The following CCDC158 variants were observed in gnomAD, a reference collection of about 807,000 sequenced individuals.
CCDC158 encodes the protein coiled-coil domain containing 158.
CCDC158 carries 116 observed loss-of-function variants against 138.6 expected under a neutral mutation model. That is an observed-to-expected ratio of 0.84 (90% CI 0.72 to 0.98). The LOEUF (loss-of-function observed/expected upper bound fraction) is 0.98, where lower values mean the gene tolerates loss of function less well. Among genes scored for constraint, CCDC158 ranks in the 50% least tolerant of loss-of-function variants. The pLI, the probability that CCDC158 is intolerant of heterozygous loss-of-function variation, is 0.00. For synonymous variants in CCDC158, 436 were observed against 442.4 expected (o/e 0.99, Z 0.18); for missense variants, 1,265 against 1,306.1 (o/e 0.97, Z 0.48).
chr4:76,375,670 G>A lies in CCDC158; in HGVS notation c.1029+3620C>T, dbSNP rs778663531. Reference sequence around the variant, plus strand: ...GAGCCAATAGTGACAGCTTCTACTGGTCCAAATTCGTAAAGGGGAATTCTG... The same window carrying A: ...GAGCCAATAGTGACAGCTTCTACTGATCCAAATTCGTAAAGGGGAATTCTG... On this transcript the variant is annotated intron_variant, in intron 9 of 24. Coordinates refer to ENST00000682701, the MANE Select transcript of CCDC158 (RefSeq NM_001394954.1). 5.7e-6 allele frequency: 4 copies of A among 699,176 alleles called. No homozygotes were observed. The South Asian group carries it at 6.0e-5, about 10-fold the overall frequency. 43.3% of individuals were successfully genotyped at this position (699,176 alleles called of 1,614,324 possible).
chr4:76,320,863 T>G (rs1335905557), intron 24 of CCDC158, among the ~76,000 whole-genome samples: 1 of 152,144 alleles, frequency 6.6e-6, no homozygotes, highest in Non-Finnish European at 1.5e-5. Flanking sequence ...CAAGAGTTCA[T>G]GACCAAGAAC....
At chr4:76,406,113 G>A (rs1006066586) in intron 2 of CCDC158, among the ~76,000 whole-genome samples, 6 of 151,938 alleles carry the variant, frequency 3.9e-5, no homozygotes, top group East Asian at 1.9e-4. Flanking sequence ...AAAAACACAC[G>A]CAGAGATTCA....
intron 13 of CCDC158, among the ~76,000 whole-genome samples, chr4:76,359,194 T>C (rs1424908913): frequency 6.6e-6 from 1 of 152,192 alleles, no homozygotes; most frequent in East Asian, 1.9e-4. Context: ...CTCCCAGCCA[T>C]GCTTCCTGTG....
rs567046239 is a variant in CCDC158 at position 76,402,568 on chromosome 4, G to A, written c.70+570C>T. On this transcript the variant is annotated intron_variant, in intron 3 of 24. Transcript: ENST00000682701. ...TTGTTTCATCCCTTTAGGCTTTGCAGCTCTTTCAACACCTATGTAACCATT... is the reference window on the plus strand; with the variant it reads ...TTGTTTCATCCCTTTAGGCTTTGCAACTCTTTCAACACCTATGTAACCATT... Among the ~76,000 whole-genome samples the A allele has an allele frequency of 3.9e-5, 6 of 152,324 alleles. 1 individual carries two copies. The South Asian group carries it at 1.2e-3, about 32-fold the overall frequency.
rs976354831 is a variant in CCDC158, at chr4:76,374,604, G to A, written c.1030-3068C>T. ...ATTCCACAAGAACAGTATTAATAAA[G>A]CTGAAACAATTTATTCTCCACCTGT... On this transcript the variant is annotated intron_variant, in intron 9 of 24. Coordinates refer to ENST00000682701, the MANE Select transcript of CCDC158 (RefSeq NM_001394954.1). Among the ~76,000 whole-genome samples, 12 of 152,114 alleles carry A rather than the reference G, an allele frequency of 7.9e-5. No individual in the cohort carries two copies. In the South Asian group the frequency reaches 2.3e-3, roughly 29 times the overall value.
chr4:76,345,004 G>A, intron 18 of CCDC158: 2 of 1,415,544 alleles, frequency 1.4e-6, no homozygotes, highest in South Asian at 2.3e-5. Context: ...ACTTCTTTGA[G>A]CAAGAGAAGA....
At chr4:76,371,578 G>C in intron 9 of CCDC158, 42 bp from the exon 10 acceptor site, 1 of 1,600,124 alleles carries the variant, frequency 6.2e-7, no homozygotes, top group African/African-American at 1.3e-5. Flanking sequence ...GATTATGACA[G>C]TGGGTAATAT....
chr4:76,344,402 TG>T (rs1722347695), intron 18 of CCDC158: 4 of 588,576 alleles, frequency 6.8e-6, no homozygotes, highest in Non-Finnish European at 1.2e-5. Context: ...GCAGCTTTGC[TG>T]GTGGTATTGT....
At chr4:76,374,048 C>T (rs894035953) in intron 9 of CCDC158, among the ~76,000 whole-genome samples, 2 of 152,006 alleles carry the variant, frequency 1.3e-5, no homozygotes, top group African/African-American at 4.8e-5. Flanking sequence ...TTTGGCTAGT[C>T]AGGAGGCTGA....
chr4:76,412,510 C>T (rs2109912092), intron 1 of CCDC158, among the ~76,000 whole-genome samples: 1 of 152,256 alleles, frequency 6.6e-6, no homozygotes, highest in East Asian at 1.9e-4. Context: ...ACTGTTATCC[C>T]AGTATTTTGG....
At chr4:76,362,390 A>G (rs748829705) in intron 12 of CCDC158, 75 bp from the exon 13 acceptor site, 80 of 1,055,722 alleles carry the variant, frequency 7.6e-5, no homozygotes, top group Non-Finnish European at 1.1e-4. Flanking sequence ...GATAGCTGCT[A>G]ACACAGTCCT....
At chr4:76,363,096 C>T (rs931991098) in intron 12 of CCDC158, among the ~76,000 whole-genome samples, 6 of 152,208 alleles carry the variant, frequency 3.9e-5, no homozygotes, top group Non-Finnish European at 7.3e-5. Flanking sequence ...TGTGCCTAAA[C>T]TGTTTGTGCA....
rs370185572 is a variant in CCDC158, at chr4:76,337,141, C to T, written c.2665-2974G>A. Among the ~76,000 whole-genome samples, 9 of 152,144 alleles carry T rather than the reference C, an allele frequency of 5.9e-5. No homozygotes were observed. The South Asian group carries it at 8.3e-4, about 14-fold the overall frequency. On this transcript the variant is annotated intron_variant, in intron 18 of 24. Coordinates refer to ENST00000682701, the MANE Select transcript of CCDC158 (RefSeq NM_001394954.1). ...GACTATAGGTGCATGCCACCACACC[C>T]GGCTATTTTTGGGTTTTTTTGTATT...
intron 18 of CCDC158, among the ~76,000 whole-genome samples, chr4:76,339,256 C>A (rs1230198272): frequency 1.3e-5 from 2 of 152,012 alleles, no homozygotes; most frequent in Non-Finnish European, 2.9e-5. Context: ...TTCTTAGTGG[C>A]TAACTGTATT....
intron 24 of CCDC158, among the ~76,000 whole-genome samples, chr4:76,317,332 G>A (rs773219220): frequency 6.6e-6 from 1 of 152,058 alleles, no homozygotes; most frequent in African/African-American, 2.4e-5. Flanking sequence ...GGGGTAGCTA[G>A]TCTTATATCA....
chr4:76,362,693 G>A (rs930464820), intron 12 of CCDC158, among the ~76,000 whole-genome samples: 5 of 152,094 alleles, frequency 3.3e-5, no homozygotes, highest in Non-Finnish European at 7.4e-5. Flanking sequence ...ATAGAAGCAG[G>A]GCTATGACTA....
chr4:76,324,890 C>T lies in CCDC158; in HGVS notation c.3169+967G>A, dbSNP rs79272096. On this transcript the variant is annotated intron_variant, in intron 23 of 24. Transcript: ENST00000682701. ...GCGGGGATAGTGGTACAAGGATCCA[C>T]CACCTTGTTTCACTGCTGCAGAGAC... Among the ~76,000 whole-genome samples, 263 of 152,304 alleles carry T rather than the reference C, an allele frequency of 1.7e-3. 5 individuals carry two copies. In the East Asian group the frequency reaches 0.044, roughly 25 times the overall value.
intron 18 of CCDC158, chr4:76,344,833 G>T: frequency 6.3e-7 from 1 of 1,597,402 alleles, no homozygotes; most frequent in African/African-American, 1.3e-5. Flanking sequence ...CCGGGAGAGG[G>T]TGAAGGGTCT....
At chr4:76,332,547 C>G in intron 19 of CCDC158, 56 bp from the exon 20 acceptor site, 1 of 1,292,700 alleles carries the variant, frequency 7.7e-7, no homozygotes. Flanking sequence ...TCATCCATGT[C>G]TTTTTTAGAC....
Sources: gnomAD v4.1 joint callset for allele counts (sites outside exome capture counted in the v4.1 genomes callset) on GRCh38, gnomAD v4.1.1 for gene constraint, MANE v1.5 for transcripts, NCBI Gene and HGNC (gene_info 2026-07-23, HGNC 2026-07-21) for gene names.